CDK6: variants seen among roughly 807,000 people sequenced by gnomAD.
CDK6 encodes the protein cyclin dependent kinase 6.
A neutral mutation model predicts 37.1 loss-of-function variants in CDK6; 6 were observed. The ratio of observed to expected loss-of-function variants is 0.16; its 90% CI spans 0.09 to 0.32. The LOEUF is 0.32. CDK6 is among the 10% of genes least tolerant of loss of function. CDK6 has a pLI of 1.00. For synonymous variants in CDK6, 160 were observed against 161.3 expected (o/e 0.99, Z 0.06); for missense variants, 224 against 418.9 (o/e 0.53, Z 4.06).
chr7:92,801,154 CAAAAG>C (rs1267861641), intron 2 of CDK6, among the ~76,000 whole-genome samples: 1 of 151,628 alleles, frequency 6.6e-6, no homozygotes, highest in East Asian at 1.9e-4. Context: ...TAAATATAAA[CAAAAG>C]AAAATAGATA....
chr7:92,628,934 C>T (rs144475054), intron 5 of CDK6, among the ~76,000 whole-genome samples: 168 of 152,068 alleles, frequency 1.1e-3, no homozygotes, highest in African/African-American at 3.9e-3. Context: ...GGATGGTCTC[C>T]CTGGAAGACA....
At chr7:92,669,982 G>A (rs1193115389) in intron 5 of CDK6, among the ~76,000 whole-genome samples, 1 of 152,182 alleles carries the variant, frequency 6.6e-6, no homozygotes, top group East Asian at 1.9e-4. Flanking sequence ...CCTGGTTCAG[G>A]GACCATACTT....
intron 4 of CDK6, among the ~76,000 whole-genome samples, chr7:92,690,692 A>G (rs1311572559): frequency 6.6e-6 from 1 of 152,240 alleles, no homozygotes; most frequent in Non-Finnish European, 1.5e-5. Context: ...GCACTACTCT[A>G]TGACAACGTA....
chr7:92,774,610 G>T, intron 3 of CDK6, 86 bp downstream of exon 3: 2 of 1,197,670 alleles, frequency 1.7e-6, no homozygotes, highest in South Asian at 1.8e-5. Flanking sequence ...TTGTAATTGT[G>T]GCAATTTTCA....
chr7:92,825,730 G>T (rs572045815), intron 2 of CDK6, among the ~76,000 whole-genome samples: 1 of 152,086 alleles, frequency 6.6e-6, no homozygotes, highest in East Asian at 1.9e-4. Flanking sequence ...AAATTAATGG[G>T]AAAAATAAAA....
intron 2 of CDK6, among the ~76,000 whole-genome samples, chr7:92,821,401 C>G (rs1210672105): frequency 1.3e-5 from 2 of 152,110 alleles, no homozygotes; most frequent in Non-Finnish European, 2.9e-5. Context: ...AATTCCCCAC[C>G]TGCTAAATTC....
chr7:92,656,617 T>G (rs535849672), intron 5 of CDK6, among the ~76,000 whole-genome samples: 1 of 152,290 alleles, frequency 6.6e-6, no homozygotes, highest in African/African-American at 2.4e-5. Context: ...ACACCACACT[T>G]TAAAGGAGTT....
intron 4 of CDK6, among the ~76,000 whole-genome samples, chr7:92,696,521 T>C (rs984951587): frequency 6.6e-6 from 1 of 152,210 alleles, no homozygotes; most frequent in African/African-American, 2.4e-5. Flanking sequence ...AATGATGATA[T>C]TCAAGAGTGG....
intron 5 of CDK6, among the ~76,000 whole-genome samples, chr7:92,656,637 A>T (rs148642431): frequency 6.6e-6 from 1 of 152,356 alleles, no homozygotes; most frequent in East Asian, 1.9e-4. Flanking sequence ...TACCAAGGCC[A>T]GACTCAACTC....
rs1333260427 is a variant in CDK6 at position 92,606,964 on chromosome 7, T to C, written c.*8176A>G. 1.7e-5 allele frequency: 4 copies of C among 233,100 alleles called. No individual in the cohort carries two copies. The highest frequency in any genetic ancestry group is 5.6e-5 in the Admixed American group (1 of 17,790). The allele number at this position is 233,100 out of a possible 1,614,324, so 14.4% of individuals were successfully genotyped here. ...AAAAATGCAACAAGCTTTTGAGGTG[T>C]TGGGAATTGTTGGTTGTTAAAATCC... On this transcript the variant is annotated 3_prime_UTR_variant, in exon 8 of 8. Transcript: ENST00000424848.
intron 2 of CDK6, among the ~76,000 whole-genome samples, chr7:92,815,706 A>G (rs1700250200): frequency 6.6e-6 from 1 of 152,198 alleles, no homozygotes; most frequent in South Asian, 2.1e-4. Context: ...GAAGACAAGG[A>G]GGCCAAAGTG....
chr7:92,712,486 AAAT>A (rs1277491660), intron 4 of CDK6, among the ~76,000 whole-genome samples: 1 of 152,232 alleles, frequency 6.6e-6, no homozygotes, highest in Non-Finnish European at 1.5e-5. Context: ...CAAAAATTAC[AAAT>A]GATAAGCTGA....
chr7:92,688,585 AC>A (rs1562936387), intron 4 of CDK6, among the ~76,000 whole-genome samples: 2 of 109,512 alleles, frequency 1.8e-5, no homozygotes, highest in African/African-American at 4.2e-5. Context: ...TATACATCAC[AC>A]ACACACACAC....
At chr7:92,779,412 A>T (rs1799930391) in intron 2 of CDK6, among the ~76,000 whole-genome samples, 1 of 152,252 alleles carries the variant, frequency 6.6e-6, no homozygotes, top group South Asian at 2.1e-4. Context: ...CATAGAGCAG[A>T]ACATTTTCAC....
intron 4 of CDK6, among the ~76,000 whole-genome samples, chr7:92,684,647 C>T (rs1016020245): frequency 6.6e-6 from 1 of 152,140 alleles, no homozygotes; most frequent in African/African-American, 2.4e-5. Context: ...ATGAGACCAC[C>T]ATCTCACCAG....
chr7:92,720,449 T>C (rs930895519), intron 4 of CDK6, among the ~76,000 whole-genome samples: 4 of 152,202 alleles, frequency 2.6e-5, no homozygotes, highest in Non-Finnish European at 5.9e-5. Context: ...TGAATGGCAG[T>C]TTCCCCACTT....
chr7:92,746,708 G>C (rs1306816927), intron 3 of CDK6, among the ~76,000 whole-genome samples: 1 of 152,028 alleles, frequency 6.6e-6, no homozygotes. Flanking sequence ...GTTGGTGTAC[G>C]AGACTATCCA....
rs1412662173 is a variant in CDK6, at chr7:92,610,236, G to A, written c.*4904C>T. 4 of 232,212 alleles carry A rather than the reference G, an allele frequency of 1.7e-5. No individual in the cohort carries two copies. The highest frequency in any genetic ancestry group is 1.3e-3 in the Middle Eastern group (1 of 782). 14.4% of individuals were successfully genotyped at this position (232,212 alleles called of 1,614,324 possible). ...TGTAACAGTATTTCAGCAGATGCTC[G>A]AAAAGAGCCTGTATTTATTTTCAGG... On this transcript the variant is annotated 3_prime_UTR_variant, in exon 8 of 8. Coordinates refer to ENST00000424848, the MANE Select transcript of CDK6 (RefSeq NM_001145306.2).
At chr7:92,701,530 C>T (rs867467102) in intron 4 of CDK6, among the ~76,000 whole-genome samples, 3 of 151,978 alleles carry the variant, frequency 2.0e-5, no homozygotes, top group African/African-American at 2.4e-5. Flanking sequence ...CTCAGCCTCC[C>T]GAGTAGCTGG....
Sources: allele counts gnomAD v4.1 joint callset (sites outside exome capture counted in the v4.1 genomes callset), GRCh38; gene constraint gnomAD v4.1.1; transcripts MANE v1.5; gene names NCBI Gene and HGNC (gene_info 2026-07-23, HGNC 2026-07-21).